The following HMGCLL1 variants were observed in gnomAD, a reference collection of about 807,000 sequenced individuals.
HMGCLL1 encodes the protein 3-hydroxy-3-methylglutaryl-CoA lyase like 1.
Under a neutral mutation model 39.1 loss-of-function variants are expected in HMGCLL1, and 36 were observed. That is an observed-to-expected ratio of 0.92 (90% CI 0.71 to 1.22). The LOEUF is 1.22. Ranked by LOEUF, HMGCLL1 falls within the 50% of genes most tolerant of loss-of-function variation. HMGCLL1 has a pLI of 0.00. For missense variants in HMGCLL1, 451 were observed against 416.5 expected (o/e 1.08, Z -0.72); for synonymous variants, 149 against 144.0 (o/e 1.03, Z -0.25).
the HMGCLL1 span, among the ~76,000 whole-genome samples, chr6:55,620,638 CACACACAG>C: frequency 6.8e-6 from 1 of 147,462 alleles, no homozygotes; most frequent in East Asian, 1.9e-4. Flanking sequence ...CACACACACA[CACACACAG>C]ACACACAGAC....
the HMGCLL1 span, among the ~76,000 whole-genome samples, chr6:55,675,929 T>A: frequency 6.6e-6 from 1 of 152,164 alleles, no homozygotes; most frequent in Non-Finnish European, 1.5e-5. Context: ...TTTAGAATTG[T>A]TAGTAATACA....
intron 7 of HMGCLL1, among the ~76,000 whole-genome samples, chr6:55,449,311 C>T (rs973269083): frequency 2.6e-5 from 4 of 152,192 alleles, no homozygotes; most frequent in Admixed American, 1.3e-4. Flanking sequence ...ATTTCTAAAA[C>T]CAGTCTTCTT....
Position 55,489,888 on chromosome 6 carries a change from G to C in HMGCLL1, c.795+5531C>G, listed in dbSNP as rs1766223999. On this transcript the variant is annotated intron_variant, in intron 7 of 8. Coordinates refer to ENST00000274901, the MANE Select transcript of HMGCLL1 (RefSeq NM_001042406.2). The stretch of plus-strand genomic sequence containing the variant: ...CTTTGATTTATCTTCTAGTGTAACA[G>C]AATTCTTTTGCATATGAGGAAATGC... Among the ~76,000 whole-genome samples, 4 of 152,200 alleles carry C rather than the reference G, an allele frequency of 2.6e-5. No homozygotes were observed. In the South Asian group the frequency reaches 8.3e-4, roughly 32 times the overall value.
chr6:55,526,049 C>T (rs1768301787), intron 3 of HMGCLL1, among the ~76,000 whole-genome samples: 1 of 151,794 alleles, frequency 6.6e-6, no homozygotes, highest in African/African-American at 2.4e-5. Context: ...TTAAGGTTAT[C>T]CTTACCCCCA....
intron 1 of HMGCLL1, among the ~76,000 whole-genome samples, chr6:55,546,426 T>A (rs1325669172): frequency 6.6e-6 from 1 of 152,030 alleles, no homozygotes; most frequent in Non-Finnish European, 1.5e-5. Flanking sequence ...AATGGATACA[T>A]AATAAGCACT....
chr6:55,483,993 T>TA (rs1316917333), intron 7 of HMGCLL1, among the ~76,000 whole-genome samples: 3 of 152,146 alleles, frequency 2.0e-5, no homozygotes, highest in Non-Finnish European at 4.4e-5. Context: ...AATAAATGGA[T>TA]AAAAAATGTG....
the HMGCLL1 span, among the ~76,000 whole-genome samples, chr6:55,586,989 T>C: frequency 6.6e-6 from 1 of 152,112 alleles, no homozygotes; most frequent in Admixed American, 6.5e-5. Flanking sequence ...CCACAATCAT[T>C]GAACTAGTTT....
chr6:55,674,521 C>T, the HMGCLL1 span, among the ~76,000 whole-genome samples: 2 of 151,962 alleles, frequency 1.3e-5, no homozygotes, highest in Admixed American at 6.6e-5. Flanking sequence ...TTAAAGATCA[C>T]AAGCAATCAG....
intron 1 of HMGCLL1, among the ~76,000 whole-genome samples, chr6:55,574,877 A>T (rs565382993): frequency 3.2e-4 from 48 of 152,068 alleles, no homozygotes; most frequent in Admixed American, 7.2e-4. Flanking sequence ...CAAATGTAAC[A>T]CAAAGGATCA....
the HMGCLL1 span, among the ~76,000 whole-genome samples, chr6:55,668,903 C>A: frequency 6.6e-6 from 1 of 151,776 alleles, no homozygotes; most frequent in South Asian, 2.1e-4. Flanking sequence ...TATACAACTC[C>A]AGGGAGGGAA....
At chr6:55,664,132 A>T in the HMGCLL1 span, among the ~76,000 whole-genome samples, 1 of 151,806 alleles carries the variant, frequency 6.6e-6, no homozygotes, top group Non-Finnish European at 1.5e-5. Context: ...GCAGCCTGTC[A>T]TTCTGTGCCT....
intron 8 of HMGCLL1, among the ~76,000 whole-genome samples, chr6:55,437,509 T>C (rs1763419046): frequency 6.6e-6 from 1 of 151,802 alleles, no homozygotes. Context: ...TAAAAGAGGA[T>C]GGAGGATATA....
chr6:55,660,021 T>C, the HMGCLL1 span, among the ~76,000 whole-genome samples: 3 of 151,902 alleles, frequency 2.0e-5, no homozygotes, highest in Non-Finnish European at 2.9e-5. Flanking sequence ...ACTACTAAAA[T>C]AAATGCCTCC....
At chr6:55,512,729 T>C (rs1767528294) in intron 5 of HMGCLL1, 2 of 152,240 alleles carry the variant, frequency 1.3e-5, no homozygotes, top group South Asian at 4.1e-4. Flanking sequence ...GACTCACTTA[T>C]CTTTCTCATT....
the HMGCLL1 span, among the ~76,000 whole-genome samples, chr6:55,586,082 G>T: frequency 6.6e-6 from 1 of 152,076 alleles, no homozygotes; most frequent in Non-Finnish European, 1.5e-5. Context: ...TGTGTGGAGG[G>T]TAATGCTAAA....
At chr6:55,542,217 T>G in intron 1 of HMGCLL1, 77 bp from the exon 2 acceptor site, 1 of 882,598 alleles carries the variant, frequency 1.1e-6, no homozygotes. Flanking sequence ...GTTAAACAAC[T>G]GCACTTTGTT....
intron 1 of HMGCLL1, among the ~76,000 whole-genome samples, chr6:55,569,398 G>A (rs1380150368): frequency 6.6e-6 from 1 of 152,140 alleles, no homozygotes; most frequent in African/African-American, 2.4e-5. Flanking sequence ...CCAACTCAGA[G>A]CTACTGAATC....
chr6:55,579,429 G>A (rs1216854655), upstream of HMGCLL1, among the ~76,000 whole-genome samples: 2 of 152,198 alleles, frequency 1.3e-5, no homozygotes, highest in Admixed American at 6.5e-5. Flanking sequence ...TAGATCAGGT[G>A]TAGAAGAAAA....
chr6:55,542,794 C>CATATATATACA (rs1561949635), intron 1 of HMGCLL1, among the ~76,000 whole-genome samples: 3 of 138,444 alleles, frequency 2.2e-5, no homozygotes, highest in Non-Finnish European at 4.5e-5. Flanking sequence ...ATATATATAC[C>CATATATATACA]TATATTTATA....
Sources: allele counts gnomAD v4.1 joint callset (sites outside exome capture counted in the v4.1 genomes callset), GRCh38; gene constraint gnomAD v4.1.1; transcripts MANE v1.5; gene names NCBI Gene and HGNC (gene_info 2026-07-23, HGNC 2026-07-21).